The following C12orf42 variants were observed in gnomAD, a reference collection of about 807,000 sequenced individuals.
C12orf42 encodes the protein chromosome 12 open reading frame 42, also known as uncharacterized protein C12orf42.
C12orf42 carries 25 observed loss-of-function variants against 21.6 expected under a neutral mutation model. That is an observed-to-expected ratio of 1.16 (90% confidence interval 0.84 to 1.62). The LOEUF (loss-of-function observed/expected upper bound fraction) is 1.62, where lower values mean the gene tolerates loss of function less well. Among genes scored for constraint, C12orf42 ranks in the 40% most tolerant of loss-of-function variants. The pLI is 0.00. For missense variants in C12orf42, 483 were observed against 459.3 expected (o/e 1.05, Z -0.47); for synonymous variants, 174 against 175.0 (o/e 0.99, Z 0.05).
chr12:103,070,662 G>C, the C12orf42 span, among the ~76,000 whole-genome samples: 2 of 152,034 alleles, frequency 1.3e-5, no homozygotes, highest in African/African-American at 4.8e-5. Flanking sequence ...GTGCCAAGAG[G>C]ATAAAGAAAA....
chr12:103,527,657 C>A, the C12orf42 span, among the ~76,000 whole-genome samples: 909 of 152,264 alleles, frequency 6.0e-3, 5 homozygotes, highest in Non-Finnish European at 0.01. Context: ...ATGCAGATGT[C>A]GCTGAAGGGA....
the C12orf42 span, among the ~76,000 whole-genome samples, chr12:103,552,233 A>T: frequency 1.3e-5 from 2 of 152,296 alleles, no homozygotes; most frequent in African/African-American, 4.8e-5. Flanking sequence ...GGTGATATGA[A>T]GACTGACTCA....
the C12orf42 span, among the ~76,000 whole-genome samples, chr12:103,140,029 G>A: frequency 6.6e-6 from 1 of 152,100 alleles, no homozygotes; most frequent in Admixed American, 6.6e-5. Flanking sequence ...AACAATCTGA[G>A]TGCTCAGCCC....
At chr12:103,330,672 T>C (rs148965736) in intron 4 of C12orf42, among the ~76,000 whole-genome samples, 160 of 152,328 alleles carry the variant, frequency 1.1e-3, no homozygotes, top group Non-Finnish European at 1.5e-3. Flanking sequence ...TATTTTTTGG[T>C]GGCCCTCTCT....
chr12:103,484,666 G>A (rs1954701243), intron 1 of C12orf42, among the ~76,000 whole-genome samples: 1 of 152,060 alleles, frequency 6.6e-6, no homozygotes, highest in African/African-American at 2.4e-5. Flanking sequence ...AGTTTAATTA[G>A]ATCCAATTTG....
chr12:103,070,886 A>G, the C12orf42 span, among the ~76,000 whole-genome samples: 2 of 152,330 alleles, frequency 1.3e-5, no homozygotes, highest in East Asian at 3.9e-4. Flanking sequence ...ATCTTCAAGA[A>G]AGAGAATTGT....
At chr12:103,382,782 A>G (rs1270243649) in intron 3 of C12orf42, among the ~76,000 whole-genome samples, 1 of 152,112 alleles carries the variant, frequency 6.6e-6, no homozygotes, top group Non-Finnish European at 1.5e-5. Flanking sequence ...TCAAAATTCA[A>G]TCTATTCTAG....
chr12:103,086,139 T>C, the C12orf42 span, among the ~76,000 whole-genome samples: 36 of 152,288 alleles, frequency 2.4e-4, no homozygotes, highest in Non-Finnish European at 4.6e-4. Context: ...TTTCATAATA[T>C]AATTGGAGCG....
At chr12:103,512,691 A>C in the C12orf42 span, among the ~76,000 whole-genome samples, 8 of 152,138 alleles carry the variant, frequency 5.3e-5, no homozygotes, top group Non-Finnish European at 7.4e-5. Flanking sequence ...TGTGGTGGTT[A>C]GGGGAGAAGT....
chr12:103,224,347 G>A, the C12orf42 span, among the ~76,000 whole-genome samples: 2 of 152,188 alleles, frequency 1.3e-5, no homozygotes, highest in South Asian at 2.1e-4. Context: ...GGAAATGAGA[G>A]GTTCTAAGAG....
chr12:103,300,654 A>G (rs1205803701), downstream of C12orf42, among the ~76,000 whole-genome samples: 1 of 152,206 alleles, frequency 6.6e-6, no homozygotes, highest in Non-Finnish European at 1.5e-5. Flanking sequence ...GTCTTAAACT[A>G]AAAAAATCAG....
the C12orf42 span, among the ~76,000 whole-genome samples, chr12:103,144,259 C>T: frequency 1.5e-4 from 23 of 150,210 alleles, no homozygotes; most frequent in Admixed American, 8.0e-4. Flanking sequence ...AAAGAGGAGA[C>T]GAGGAGAAAA....
At chr12:103,228,062 A>G in the C12orf42 span, among the ~76,000 whole-genome samples, 1 of 152,076 alleles carries the variant, frequency 6.6e-6, no homozygotes, top group African/African-American at 2.4e-5. Context: ...CAGGGGATTG[A>G]TCTCCCAAGG....
intron 4 of C12orf42, among the ~76,000 whole-genome samples, chr12:103,361,505 C>G (rs2044102922): frequency 6.6e-6 from 1 of 152,016 alleles, no homozygotes; most frequent in African/African-American, 2.4e-5. Flanking sequence ...GCAATTCCAA[C>G]CCAATGCGAA....
chr12:103,347,176 T>C (rs2042695081), intron 4 of C12orf42, among the ~76,000 whole-genome samples: 1 of 152,304 alleles, frequency 6.6e-6, no homozygotes, highest in Non-Finnish European at 1.5e-5. Context: ...TCACCTATAT[T>C]AGGTATTTCT....
intron 10 of C12orf42, among the ~76,000 whole-genome samples, chr12:103,253,295 T>C (rs2034397338): frequency 6.6e-6 from 1 of 151,220 alleles, no homozygotes; most frequent in African/African-American, 2.4e-5. Flanking sequence ...ACATGCTCTT[T>C]TTTGTTCTAT....
At chr12:103,131,014 C>T in the C12orf42 span, among the ~76,000 whole-genome samples, 1 of 152,210 alleles carries the variant, frequency 6.6e-6, no homozygotes, top group African/African-American at 2.4e-5. Context: ...TGACAATTCT[C>T]AGCTGATTCT....
intron 4 of C12orf42, among the ~76,000 whole-genome samples, chr12:103,317,151 T>C (rs1427444501): frequency 6.6e-6 from 1 of 152,230 alleles, no homozygotes; most frequent in Non-Finnish European, 1.5e-5. Flanking sequence ...CAATTACTGA[T>C]ATCTGCCATG....
chr12:103,501,086 G>A, the C12orf42 span, among the ~76,000 whole-genome samples: 1 of 152,206 alleles, frequency 6.6e-6, no homozygotes, highest in African/African-American at 2.4e-5. Context: ...TGGAGCAGAG[G>A]TGACATGTCC....
Sources: gnomAD v4.1 joint callset for allele counts (sites outside exome capture counted in the v4.1 genomes callset) on GRCh38, gnomAD v4.1.1 for gene constraint, MANE v1.5 for transcripts, NCBI Gene and HGNC (gene_info 2026-07-23, HGNC 2026-07-21) for gene names.